Variants in SYN2 observed in about 807,000 individuals in gnomAD.
The protein encoded by SYN2 is synapsin-2.
Under a neutral mutation model 50.9 loss-of-function variants are expected in SYN2, and 19 were observed. The ratio of observed to expected loss-of-function variants is 0.37; its 90% CI spans 0.26 to 0.55. SYN2 has a LOEUF of 0.55. SYN2 is among the 20% of genes least tolerant of loss of function. SYN2 has a pLI of 0.81. For synonymous variants in SYN2, 255 were observed against 224.9 expected, an observed-to-expected ratio of 1.13 and a Z score of -1.20; for missense variants, 587 against 576.4, an observed-to-expected ratio of 1.02 and a Z score of -0.19.
intron 1 of SYN2, among the ~76,000 whole-genome samples, chr3:12,131,505 C>G (rs146256579): frequency 6.6e-6 from 1 of 152,184 alleles, no homozygotes; most frequent in East Asian, 1.9e-4. Flanking sequence ...GCTCCAATAT[C>G]AAATCAGCCT....
chr3:12,104,046 G>C (rs1696128654), intron 1 of SYN2, among the ~76,000 whole-genome samples: 1 of 152,080 alleles, frequency 6.6e-6, no homozygotes, highest in Non-Finnish European at 1.5e-5. Flanking sequence ...AAGGATGTTG[G>C]GGTAACAATA....
At chr3:12,050,752 G>A (rs1236397146) in intron 1 of SYN2, among the ~76,000 whole-genome samples, 111 of 56,002 alleles carry the variant, frequency 2.0e-3, no homozygotes, top group African/African-American at 4.2e-3. Flanking sequence ...TTTTTGAGAC[G>A]GAGTCTCGCT....
At chr3:12,050,156 C>T (rs771055440) in intron 1 of SYN2, among the ~76,000 whole-genome samples, 97 of 152,190 alleles carry the variant, frequency 6.4e-4, no homozygotes, top group Middle Eastern at 3.4e-3. Context: ...CCGCCTCGGC[C>T]TCCCAAAGTG....
chr3:12,169,868 C>G lies in SYN2; in HGVS notation c.1270C>G (p.Leu424Val). ...MNQLLSRTPA[L>V]SPQRPLTTQQ... is the part of the protein sequence containing the mutation. ...CCAGCTGCTGTCCAGGACTCCTGCC[C>G]TGTCTCCTCAGAGACCCCTAACAAC... The change falls in exon 10 of 13, where the codon CTG (leucine) becomes GTG (valine). Residue 424 changes from leucine (L) to valine (V), a missense_variant. Transcript: ENST00000621198. The G allele has an allele frequency of 6.2e-7, 1 of 1,612,830 alleles. No homozygotes were observed. The highest frequency in any genetic ancestry group is 1.1e-5 in the South Asian group (1 of 90,816).
chr3:12,109,757 C>A (rs924339791), intron 1 of SYN2, among the ~76,000 whole-genome samples: 1 of 152,092 alleles, frequency 6.6e-6, no homozygotes, highest in Admixed American at 6.5e-5. Context: ...GGAAGTCTGC[C>A]CGTGCAAGAG....
At chr3:12,169,735 C>G (rs781683488) in intron 9 of SYN2, 22 bp from the exon 10 acceptor site, 2 of 1,613,196 alleles carry the variant, frequency 1.2e-6, no homozygotes, top group African/African-American at 2.7e-5. Flanking sequence ...CCTTTCCTCA[C>G]CTGGGACACA....
Position 12,004,596 on chromosome 3 carries a change from C to T in SYN2, c.45C>T (p.Ile15=). ...LRRRLSDSSF[I]ANLPNGYMTD... The stretch of plus-strand genomic sequence containing the variant: ...GCCGGCTGTCGGACAGCAGCTTCAT[C>T]GCCAACCTGCCCAACGGCTACATGA... Residue 15 remains isoleucine, a synonymous_variant, in exon 1 of 13, where the codon ATC becomes ATT. Transcript: ENST00000621198. 1 of 665,306 alleles carries T rather than the reference C, an allele frequency of 1.5e-6. No individual in the cohort carries two copies. The highest frequency in any genetic ancestry group is 2.8e-6 in the Non-Finnish European group (1 of 357,464). 41.2% of individuals were successfully genotyped at this position (665,306 alleles called of 1,614,324 possible).
At chr3:12,062,224 GATA>G (rs1250358719) in intron 1 of SYN2, among the ~76,000 whole-genome samples, 1 of 151,916 alleles carries the variant, frequency 6.6e-6, no homozygotes, top group Non-Finnish European at 1.5e-5. Flanking sequence ...GACTCACACA[GATA>G]ATAATCAAAT....
chr3:12,053,810 A>T (rs998538668), intron 1 of SYN2, among the ~76,000 whole-genome samples: 3 of 152,250 alleles, frequency 2.0e-5, no homozygotes, highest in Non-Finnish European at 4.4e-5. Context: ...TAAATTAAAA[A>T]ATTAAGTTTT....
chr3:12,187,641 C>G (rs1363840336), intron 12 of SYN2, 29 bp downstream of exon 12: 2 of 1,518,530 alleles, frequency 1.3e-6, no homozygotes, highest in East Asian at 2.5e-5. Flanking sequence ...GCTCCTCCCT[C>G]CCCTCCTCCT....
At chr3:12,024,908 G>A (rs1023388983) in intron 1 of SYN2, among the ~76,000 whole-genome samples, 1 of 152,194 alleles carries the variant, frequency 6.6e-6, no homozygotes. Context: ...AGCAGTATAT[G>A]AGAGTTCCTC....
intron 1 of SYN2, among the ~76,000 whole-genome samples, chr3:12,036,862 C>CT (rs1375829939): frequency 1.4e-4 from 22 of 152,226 alleles, no homozygotes; most frequent in African/African-American, 4.3e-4. Flanking sequence ...TAAATTATGT[C>CT]TAAGTCATTT....
At chr3:12,190,214 T>TCGC (rs1207138388) in intron 12 of SYN2, among the ~76,000 whole-genome samples, 1 of 152,132 alleles carries the variant, frequency 6.6e-6, no homozygotes, top group Non-Finnish European at 1.5e-5. Context: ...GGCCTTTGAG[T>TCGC]CGCCTCTTCC....
intron 1 of SYN2, among the ~76,000 whole-genome samples, chr3:12,038,872 T>G (rs1480249523): frequency 6.6e-6 from 1 of 152,172 alleles, no homozygotes; most frequent in Non-Finnish European, 1.5e-5. Context: ...AAATTTTACT[T>G]CTTCTTTTCC....
At chr3:12,188,350 G>GC (rs1698385780) in intron 12 of SYN2, among the ~76,000 whole-genome samples, 1 of 152,222 alleles carries the variant, frequency 6.6e-6, no homozygotes. Flanking sequence ...GGTCAGTTCT[G>GC]CCCTCTCTCC....
Position 12,190,567 on chromosome 3 carries a change from C to T in SYN2, c.1691C>T (p.Ala564Val), listed in dbSNP as rs1209588945. 6.2e-7 allele frequency: 1 copy of T among 1,613,184 alleles called. No homozygotes were observed. The highest frequency in any genetic ancestry group is 8.5e-7 in the Non-Finnish European group (1 of 1,179,514). ...CGGTCTTCAGCCAATGAGGATGAAGCCAAAGCAGAGACCATCCGGAGCTTG... is the reference window on the plus strand; with the variant it reads ...CGGTCTTCAGCCAATGAGGATGAAGTCAAAGCAGAGACCATCCGGAGCTTG... ...FFRSSANEDE[A>V]KAETIRSLRK... is the part of the protein sequence containing the mutation. The change falls in exon 13 of 13, where the codon GCC (alanine) becomes GTC (valine). Residue 564 changes from alanine (A) to valine (V), a missense_variant. Transcript: ENST00000621198.
chr3:12,184,382 G>A (rs547741933), intron 11 of SYN2: 1 of 985,886 alleles, frequency 1.0e-6, no homozygotes, highest in African/African-American at 1.7e-5. Context: ...CCTGTGTACA[G>A]AGATAATTCC....
At chr3:12,057,269 G>A (rs572609508) in intron 1 of SYN2, among the ~76,000 whole-genome samples, 15 of 148,108 alleles carry the variant, frequency 1.0e-4, no homozygotes, top group African/African-American at 3.5e-4. Context: ...TCCAACCTGG[G>A]CGACAAGGCA....
intron 1 of SYN2, among the ~76,000 whole-genome samples, chr3:12,097,646 C>A (rs1265623827): frequency 6.7e-6 from 1 of 148,842 alleles, no homozygotes; most frequent in Admixed American, 6.7e-5. Context: ...AAATGTGTCA[C>A]ATATACACCA....
Sources: allele counts gnomAD v4.1 joint callset (sites outside exome capture counted in the v4.1 genomes callset), GRCh38; gene constraint gnomAD v4.1.1; transcripts MANE v1.5; gene names NCBI Gene and HGNC (gene_info 2026-07-23, HGNC 2026-07-21).